The following KIAA1549L variants were observed in gnomAD, a reference collection of about 807,000 sequenced individuals.
KIAA1549L encodes the protein UPF0606 protein KIAA1549L.
In KIAA1549L, 88 loss-of-function variants were observed where a neutral mutation model predicts 160.7. The observed-to-expected ratio is 0.55, with a 90% CI of 0.46 to 0.65. The LOEUF (loss-of-function observed/expected upper bound fraction) is 0.65. KIAA1549L is among the 30% of genes least tolerant of loss of function. KIAA1549L has a pLI of 0.00. For missense variants in KIAA1549L, 2,258 were observed against 2,437.5 expected (o/e 0.93, Z 1.55); for synonymous variants, 950 against 976.7 (o/e 0.97, Z 0.51).
Position 33,542,841 on chromosome 11 carries a change from AG to A in KIAA1549L, c.1282del (p.Ala428ProfsTer2). 1 of 1,613,864 alleles carries A rather than the reference AG, an allele frequency of 6.2e-7. No individual in the cohort carries two copies. Among genetic ancestry groups the A allele is most frequent in the Non-Finnish European group, 8.5e-7 (1 of 1,179,860 alleles). Reference sequence around the variant, plus strand: ...CTCCACTTTTCCAGACTGCAGAATCAGGGGCCATAGAAATGACCAGCAGAAA... The same window carrying A: ...CTCCACTTTTCCAGACTGCAGAATCAGGGCCATAGAAATGACCAGCAGAAA... ...EPPLFQTAESGAIEMTSRKLA... is the reference protein window; with the variant it reads ...EPPLFQTAESXAIEMTSRKLA... On this transcript the variant is annotated frameshift_variant, in exon 2 of 21. Transcript: ENST00000658780. LOFTEE classifies it high-confidence loss of function.
chr11:33,497,941 C>T (rs1852857460), intron 1 of KIAA1549L, among the ~76,000 whole-genome samples: 1 of 152,180 alleles, frequency 6.6e-6, no homozygotes, highest in Non-Finnish European at 1.5e-5. Flanking sequence ...TTGCTGTGAG[C>T]ATGATCTTGG....
intron 1 of KIAA1549L, among the ~76,000 whole-genome samples, chr11:33,445,344 A>T (rs1348921743): frequency 6.6e-6 from 1 of 152,252 alleles, no homozygotes; most frequent in Non-Finnish European, 1.5e-5. Context: ...GGAATTTCAC[A>T]GTGCCTTTCA....
chr11:33,636,488 GC>G (rs1564934770), intron 16 of KIAA1549L, among the ~76,000 whole-genome samples: 1 of 151,424 alleles, frequency 6.6e-6, no homozygotes, highest in African/African-American at 2.4e-5. Context: ...GTACTACCAC[GC>G]CCAGCTAATT....
intron 16 of KIAA1549L, among the ~76,000 whole-genome samples, chr11:33,642,602 G>C (rs547912751): frequency 1.3e-5 from 2 of 151,188 alleles, no homozygotes; most frequent in African/African-American, 2.4e-5. Flanking sequence ...GGTTTGGGGG[G>C]GTGGAAATGG....
intron 1 of KIAA1549L, among the ~76,000 whole-genome samples, chr11:33,385,425 C>A (rs2761210): frequency 0.63 from 95,516 of 152,024 alleles, 30,253 homozygotes; most frequent in Non-Finnish European, 0.67. Flanking sequence ...AGCAATATTT[C>A]TGACTGCCTG....
intron 1 of KIAA1549L, among the ~76,000 whole-genome samples, chr11:33,435,759 G>GAGAGATATAT (rs1429879805): frequency 6.7e-5 from 1 of 14,988 alleles, no homozygotes; most frequent in Admixed American, 1.1e-3. Flanking sequence ...GAACCAATAA[G>GAGAGATATAT]ATATATATAT....
In KIAA1549L at chr11:33,520,153, TA is replaced by T. The variant is rs529201379; in HGVS notation, c.239-21646del. Among the ~76,000 whole-genome samples, 178 of 152,234 alleles carry T rather than the reference TA, an allele frequency of 1.2e-3. No homozygotes were observed. The South Asian group carries it at 0.025, about 21-fold the overall frequency. On this transcript the variant is annotated intron_variant, in intron 1 of 20. Transcript: ENST00000658780. ...CCTTTTGTGGTAAGAGCACATAACA[TA>T]AAGATCTAGCGAATTTTTAAGCATA...
chr11:33,530,446 T>A (rs1231830342), intron 1 of KIAA1549L, among the ~76,000 whole-genome samples: 3 of 7,486 alleles, frequency 4.0e-4, no homozygotes, highest in Non-Finnish European at 8.3e-4. Context: ...AATATATATA[T>A]ATATATATAT....
At chr11:33,518,718 C>T (rs1276567319) in intron 1 of KIAA1549L, among the ~76,000 whole-genome samples, 1 of 152,132 alleles carries the variant, frequency 6.6e-6, no homozygotes, top group African/African-American at 2.4e-5. Context: ...TCTAAAGTTG[C>T]CATTAAAGCT....
intron 6 of KIAA1549L, among the ~76,000 whole-genome samples, chr11:33,555,966 A>T (rs1431105227): frequency 6.6e-6 from 1 of 152,152 alleles, no homozygotes; most frequent in Non-Finnish European, 1.5e-5. Context: ...TCAATAATAA[A>T]AACAAACAAA....
At position 33,667,913 on chromosome 11, in the gene KIAA1549L, G is replaced by A. The variant is rs537413252; in HGVS notation, c.6200G>A (p.Arg2067Gln). 61 of 1,613,382 alleles carry A rather than the reference G, an allele frequency of 3.8e-5. No homozygotes were observed. The highest frequency in any genetic ancestry group is 6.7e-5 in the East Asian group (3 of 44,854). ...PGYIEAYPRS[R>Q]YPQSSPSRLP... ...TACATCGAGGCCTACCCCCGATCAC[G>A]GTACCCCCAGAGCTCTCCCTCCAGG... The change falls in exon 21 of 21, where the codon CGG (arginine) becomes CAG (glutamine). Residue 2067 changes from arginine (R) to glutamine (Q), a missense_variant. Physicochemically the swap from Arg to Gln is conservative, Grantham distance 43. Around this residue, in one of 6 missense-constraint regions of KIAA1549L, gnomAD observed 1,359 missense variants for 1,546.6 expected, o/e 0.88. Transcript: ENST00000658780.
intron 4 of KIAA1549L, among the ~76,000 whole-genome samples, chr11:33,550,355 A>C (rs986181153): frequency 5.3e-5 from 8 of 151,946 alleles, no homozygotes; most frequent in African/African-American, 7.2e-5. Flanking sequence ...TTAAAAAAAA[A>C]CCCTGAACTG....
intron 6 of KIAA1549L, among the ~76,000 whole-genome samples, chr11:33,554,851 G>C (rs530399716): frequency 6.6e-6 from 1 of 152,304 alleles, no homozygotes; most frequent in East Asian, 1.9e-4. Flanking sequence ...GCAAACAACA[G>C]CTTTCTGTTC....
chr11:33,507,482 C>T (rs570054349), intron 1 of KIAA1549L, among the ~76,000 whole-genome samples: 52 of 152,308 alleles, frequency 3.4e-4, no homozygotes, highest in African/African-American at 1.2e-3. Context: ...TGAGGAAGAG[C>T]AAAGTCATGT....
At chr11:33,430,009 C>CCCTCCCTCCCTTCCTTCCTTCCTT (rs369468169) in intron 1 of KIAA1549L, among the ~76,000 whole-genome samples, 1 of 93,298 alleles carries the variant, frequency 1.1e-5, no homozygotes, top group African/African-American at 4.6e-5. Context: ...GCTCTGCCCT[C>CCCTCCCTCCCTTCCTTCCTTCCTT]CCTTCCTTCC....
chr11:33,382,265 C>A (rs1024320792), intron 1 of KIAA1549L, among the ~76,000 whole-genome samples: 3 of 151,868 alleles, frequency 2.0e-5, no homozygotes, highest in Admixed American at 2.0e-4. Flanking sequence ...TATATGGTGT[C>A]CTGGGTGCTA....
rs868226700 is a variant in KIAA1549L at position 33,508,507 on chromosome 11, G to A, written c.239-33295G>A. On this transcript the variant is annotated intron_variant, in intron 1 of 20. Coordinates refer to ENST00000658780, the MANE Select transcript of KIAA1549L (RefSeq NM_012194.3). Reference sequence around the variant, plus strand: ...GAAAATGAATGGCTGCTGGTGTAATGTACAGAGCATTAGGGTAGAAAAATT... The same window carrying A: ...GAAAATGAATGGCTGCTGGTGTAATATACAGAGCATTAGGGTAGAAAAATT... 2.6e-5 allele frequency among the ~76,000 whole-genome samples: 4 copies of A among 152,208 alleles called. No individual in the cohort carries two copies. The South Asian group carries it at 8.3e-4, about 32-fold the overall frequency.
At chr11:33,480,482 G>A (rs1371851901) in intron 1 of KIAA1549L, among the ~76,000 whole-genome samples, 3 of 152,160 alleles carry the variant, frequency 2.0e-5, no homozygotes, top group East Asian at 1.9e-4. Context: ...GTGAACACTC[G>A]TGTACAAGTT....
chr11:33,515,432 C>T (rs979264825), intron 1 of KIAA1549L, among the ~76,000 whole-genome samples: 2 of 152,208 alleles, frequency 1.3e-5, no homozygotes, highest in Non-Finnish European at 2.9e-5. Flanking sequence ...TCAAGTTGGA[C>T]GAGTTATCCA....
Sources: allele counts gnomAD v4.1 joint callset (sites outside exome capture counted in the v4.1 genomes callset), GRCh38; gene constraint gnomAD v4.1.1; regional missense constraint gnomAD v4.1.1; transcripts MANE v1.5; gene names NCBI Gene and HGNC (gene_info 2026-07-23, HGNC 2026-07-21).